The following NEDD4L variants were observed in gnomAD, a reference collection of about 807,000 sequenced individuals.
NEDD4L encodes the protein E3 ubiquitin-protein ligase NEDD4-like.
A neutral mutation model predicts 148.9 loss-of-function variants in NEDD4L; 54 were observed. That is an observed-to-expected ratio of 0.36 (90% CI 0.29 to 0.45). The LOEUF is 0.45. NEDD4L is among the 20% of genes least tolerant of loss of function. NEDD4L has a pLI of 1.00. For missense variants in NEDD4L, 856 were observed against 1,233.8 expected (o/e 0.69, Z 4.59); for synonymous variants, 433 against 440.7 (o/e 0.98, Z 0.22).
intron 1 of NEDD4L, among the ~76,000 whole-genome samples, chr18:58,087,816 G>A (rs2083841064): frequency 2.6e-5 from 4 of 152,348 alleles, no homozygotes; most frequent in Middle Eastern, 3.4e-3. Context: ...GGAGGTTACG[G>A]TGAGCTGAGA....
chr18:58,218,987 C>T (rs191180963), intron 2 of NEDD4L, among the ~76,000 whole-genome samples: 550 of 152,254 alleles, frequency 3.6e-3, no homozygotes, highest in Non-Finnish European at 5.8e-3. Flanking sequence ...TAGATCATGG[C>T]GCTGCTTTGA....
At chr18:58,269,433 A>G (rs2050706414) in intron 5 of NEDD4L, among the ~76,000 whole-genome samples, 1 of 152,054 alleles carries the variant, frequency 6.6e-6, no homozygotes, top group Non-Finnish European at 1.5e-5. Context: ...TGTGCTCAAC[A>G]CAAGTCTGTG....
rs1836450867 is a variant in NEDD4L at position 58,399,677 on chromosome 18, G to A, written c.*3408G>A. 3 of 152,128 alleles carry A rather than the reference G, an allele frequency of 2.0e-5. No homozygotes were observed. Among genetic ancestry groups the A allele is most frequent in the East Asian group, 1.9e-4 (1 of 5,190 alleles). The allele number at this position is 152,128 out of a possible 1,614,324, so 9.4% of individuals were successfully genotyped here. A position where few individuals can be genotyped will look rare whatever the true frequency, so the allele number is the denominator to read the frequency against. ...TAATTTTTGTATTTTTAGTAGAGATGGTTTCACCATGCTGGCCAGGCTGGT... is the reference window on the plus strand; with the variant it reads ...TAATTTTTGTATTTTTAGTAGAGATAGTTTCACCATGCTGGCCAGGCTGGT... On this transcript the variant is annotated 3_prime_UTR_variant, in exon 31 of 31. Transcript: ENST00000400345.
At chr18:58,281,192 G>A (rs1377225757) in intron 5 of NEDD4L, among the ~76,000 whole-genome samples, 1 of 152,110 alleles carries the variant, frequency 6.6e-6, no homozygotes, top group Non-Finnish European at 1.5e-5. Flanking sequence ...TGCCCAAGCA[G>A]ATCTTGAACT....
At chr18:58,084,568 A>T (rs2083646083) in intron 1 of NEDD4L, among the ~76,000 whole-genome samples, 1 of 152,094 alleles carries the variant, frequency 6.6e-6, no homozygotes, top group South Asian at 2.1e-4. Context: ...GGAGGCTAGA[A>T]GTCCAAAATC....
intron 1 of NEDD4L, among the ~76,000 whole-genome samples, chr18:58,053,220 G>T (rs2081954461): frequency 6.6e-6 from 1 of 152,220 alleles, no homozygotes; most frequent in Non-Finnish European, 1.5e-5. Context: ...ACCAGGCAGA[G>T]ACCGTGTTCC....
At chr18:58,072,185 C>T (rs2082902269) in intron 1 of NEDD4L, among the ~76,000 whole-genome samples, 1 of 152,098 alleles carries the variant, frequency 6.6e-6, no homozygotes. Context: ...TGGGTAAATT[C>T]ACTGGGTGAA....
At chr18:58,097,510 T>C (rs979456097) in intron 1 of NEDD4L, among the ~76,000 whole-genome samples, 56 of 152,378 alleles carry the variant, frequency 3.7e-4, no homozygotes, top group Middle Eastern at 3.4e-3. Flanking sequence ...CATTCTCAAC[T>C]AATTATAGCA....
intron 5 of NEDD4L, among the ~76,000 whole-genome samples, chr18:58,302,014 G>A (rs1246249435): frequency 6.6e-6 from 1 of 152,206 alleles, no homozygotes; most frequent in Non-Finnish European, 1.5e-5. Context: ...CTTCAGCATA[G>A]TGAGAGAATG....
intron 1 of NEDD4L, among the ~76,000 whole-genome samples, chr18:58,052,537 A>G (rs751597627): frequency 2.0e-5 from 3 of 152,192 alleles, no homozygotes; most frequent in Non-Finnish European, 4.4e-5. Context: ...GCTGTCATCA[A>G]ATTCAGTGTT....
At chr18:58,293,809 A>T (rs2055133055) in intron 5 of NEDD4L, among the ~76,000 whole-genome samples, 1 of 152,102 alleles carries the variant, frequency 6.6e-6, no homozygotes, top group African/African-American at 2.4e-5. Flanking sequence ...TGCAGCCTCT[A>T]CCTCCTGGGC....
chr18:58,327,965 T>G (rs1032203536), intron 9 of NEDD4L, among the ~76,000 whole-genome samples: 2 of 151,596 alleles, frequency 1.3e-5, no homozygotes, highest in East Asian at 1.9e-4. Flanking sequence ...TTTTTTTTTT[T>G]GTTTTGTTTT....
In NEDD4L at chr18:58,149,603, C is replaced by T. The variant is rs186145709; in HGVS notation, c.49-16185C>T. 247 of 1,328,934 alleles carry T rather than the reference C, an allele frequency of 1.9e-4. 2 individuals carry two copies. The African/African-American group carries it at 3.3e-3, about 18-fold the overall frequency. 82.3% of individuals were successfully genotyped at this position (1,328,934 alleles called of 1,614,324 possible). A position where few individuals can be genotyped will look rare whatever the true frequency, so the allele number is the denominator to read the frequency against. ...TTGCTTGGTGGGGGAGGAGGTTTTACCTTCCTGTGGCATTCTGAAGCTCTC... is the reference window on the plus strand; with the variant it reads ...TTGCTTGGTGGGGGAGGAGGTTTTATCTTCCTGTGGCATTCTGAAGCTCTC... On this transcript the variant is annotated intron_variant, in intron 1 of 30. Transcript: ENST00000400345.
At chr18:58,116,926 C>A (rs990059212) in intron 1 of NEDD4L, among the ~76,000 whole-genome samples, 2 of 152,226 alleles carry the variant, frequency 1.3e-5, no homozygotes, top group African/African-American at 2.4e-5. Context: ...CCAACGCTGG[C>A]CCTTCTTTCT....
At chr18:58,375,272 C>T (rs573637983) in intron 24 of NEDD4L, among the ~76,000 whole-genome samples, 10 of 152,238 alleles carry the variant, frequency 6.6e-5, no homozygotes, top group South Asian at 2.1e-4. Context: ...TCCTGTCGGC[C>T]GCCCCCTTTC....
At chr18:58,292,070 C>T (rs1342506298) in intron 5 of NEDD4L, among the ~76,000 whole-genome samples, 1 of 152,178 alleles carries the variant, frequency 6.6e-6, no homozygotes, top group Non-Finnish European at 1.5e-5. Context: ...GTGAGAGGCA[C>T]CCAGTTCACA....
chr18:58,339,620 C>T (rs2042185260), intron 13 of NEDD4L, among the ~76,000 whole-genome samples: 1 of 152,054 alleles, frequency 6.6e-6, no homozygotes, highest in Non-Finnish European at 1.5e-5. Flanking sequence ...AATGGTTTTC[C>T]TTAATATCAG....
At chr18:58,193,425 GC>G (rs1480054409) in intron 2 of NEDD4L, among the ~76,000 whole-genome samples, 2 of 152,110 alleles carry the variant, frequency 1.3e-5, no homozygotes, top group Non-Finnish European at 2.9e-5. Context: ...AGACACATTT[GC>G]CAGCTGTGGC....
At position 58,231,509 on chromosome 18, in the gene NEDD4L, G is replaced by T. The variant is rs950279842; in HGVS notation, c.123-13918G>T. Among the ~76,000 whole-genome samples, 5 of 152,226 alleles carry T rather than the reference G, an allele frequency of 3.3e-5. No individual in the cohort carries two copies. In the South Asian group the frequency reaches 1.0e-3, roughly 32 times the overall value. On this transcript the variant is annotated intron_variant, in intron 2 of 30. Coordinates refer to ENST00000400345, the MANE Select transcript of NEDD4L (RefSeq NM_001144967.3). ...GGCTGAGCACCCTGAAAACTGTGAA[G>T]ATACTAGATTGACCTGTTTGGAAAA...
Sources: gnomAD v4.1 joint callset for allele counts (sites outside exome capture counted in the v4.1 genomes callset) on GRCh38, gnomAD v4.1.1 for gene constraint, MANE v1.5 for transcripts, NCBI Gene and HGNC (gene_info 2026-07-23, HGNC 2026-07-21) for gene names.